The following RNF43 variants were observed in gnomAD, a reference collection of about 807,000 sequenced individuals.
The protein encoded by RNF43 is E3 ubiquitin-protein ligase RNF43.
A neutral mutation model predicts 78.4 loss-of-function variants in RNF43; 37 were observed. That is an observed-to-expected ratio of 0.47 (90% CI 0.36 to 0.62). The LOEUF is 0.62. Ranked by LOEUF, RNF43 falls within the 20% of genes least tolerant of loss-of-function variation. The probability of loss-of-function intolerance (pLI) is 0.00; values close to 1 mark genes in which losing one functional copy is unlikely to be tolerated. For synonymous variants in RNF43, 347 were observed against 395.0 expected, an observed-to-expected ratio of 0.88 and a Z score of 1.44; for missense variants, 774 against 1,007.9, an observed-to-expected ratio of 0.77 and a Z score of 3.14.
intron 2 of RNF43, among the ~76,000 whole-genome samples, chr17:58,383,386 C>T (rs1051088607): frequency 1.1e-4 from 17 of 152,026 alleles, no homozygotes; most frequent in Admixed American, 5.2e-4. Flanking sequence ...ACCTCCCAGG[C>T]CCAAACCTGG....
At chr17:58,368,963 G>A (rs1973016640) in intron 3 of RNF43, among the ~76,000 whole-genome samples, 1 of 151,974 alleles carries the variant, frequency 6.6e-6, no homozygotes, top group Non-Finnish European at 1.5e-5. Flanking sequence ...GGTGCAACAG[G>A]CAAAAGAGAA....
chr17:58,404,769 T>C (rs1031280818), intron 2 of RNF43, among the ~76,000 whole-genome samples: 3 of 152,210 alleles, frequency 2.0e-5, no homozygotes, highest in African/African-American at 2.4e-5. Context: ...TCTTCCCTTA[T>C]GGAATGCAGT....
Position 58,354,719 on chromosome 17 carries a change from G to T in RNF43, c.*224C>A. 1 of 571,878 alleles carries T rather than the reference G, an allele frequency of 1.7e-6. No individual in the cohort carries two copies. The highest frequency in any genetic ancestry group is 3.2e-6 in the Non-Finnish European group (1 of 315,000). The allele number at this position is 571,878 out of a possible 1,614,324, so 35.4% of individuals were successfully genotyped here. On this transcript the variant is annotated 3_prime_UTR_variant, in exon 10 of 10. Coordinates refer to ENST00000407977, the MANE Select transcript of RNF43 (RefSeq NM_017763.6). ...TGGTTGCCTGGCTGGACATGGATTT[G>T]CTGCACTGCAGATGTTTTCTGCAGA...
intron 2 of RNF43, among the ~76,000 whole-genome samples, chr17:58,382,962 G>C (rs774861301): frequency 1.2e-4 from 19 of 152,136 alleles, no homozygotes; most frequent in Admixed American, 3.3e-4. Flanking sequence ...TATTTTTTGA[G>C]AGAAGCCATT....
At chr17:58,405,572 G>C (rs1362040396) in intron 2 of RNF43, among the ~76,000 whole-genome samples, 1 of 151,898 alleles carries the variant, frequency 6.6e-6, no homozygotes, top group Non-Finnish European at 1.5e-5. Flanking sequence ...CCAGAGCTTT[G>C]GGAGGCAGAA....
chr17:58,392,387 T>C (rs1297732894), intron 2 of RNF43, among the ~76,000 whole-genome samples: 1 of 152,216 alleles, frequency 6.6e-6, no homozygotes, highest in Non-Finnish European at 1.5e-5. Flanking sequence ...AATGAACTTA[T>C]CATCAAATAA....
At position 58,360,701 on chromosome 17, in the gene RNF43, C is replaced by G; in HGVS notation, c.849+82G>C. The G allele has an allele frequency of 7.0e-7, 1 of 1,435,298 alleles. No individual in the cohort carries two copies. The highest frequency in any genetic ancestry group is 1.4e-5 in the African/African-American group (1 of 70,758). 88.9% of individuals were successfully genotyped at this position (1,435,298 alleles called of 1,614,324 possible). A position where few individuals can be genotyped will look rare whatever the true frequency, so the allele number is the denominator to read the frequency against. ...ACAGATGTAGCCAGGGTACCCATAC[C>G]AGCCCCTAGGCCTGCCCACCCCTCC... On this transcript the variant is annotated intron_variant, in intron 7 of 9. Coordinates refer to ENST00000407977, the MANE Select transcript of RNF43 (RefSeq NM_017763.6). This position sits in a 1 kb window ranked among gnomAD's most constrained non-coding sequence, Gnocchi z 4.3.
intron 2 of RNF43, among the ~76,000 whole-genome samples, chr17:58,383,034 TC>T (rs1973354430): frequency 6.6e-6 from 1 of 152,176 alleles, no homozygotes; most frequent in South Asian, 2.1e-4. Flanking sequence ...AAACTCTTGC[TC>T]CCCACTGGCT....
In RNF43 at chr17:58,357,716, C is replaced by G. The variant is rs778741880; in HGVS notation, c.2060G>C (p.Ser687Thr). The G allele has an allele frequency of 1.7e-5, 28 of 1,611,426 alleles. 1 individual carries two copies. In the South Asian group the frequency reaches 2.9e-4, roughly 16 times the overall value. ...CTCTGGGGACCAAGGATATGCCACA[C>G]TGGGGGTGTAATGGGGAAAAATCTG... is the stretch of plus-strand genomic sequence containing the variant. ...ACQIFPHYTP[S>T]VAYPWSPEAH... Residue 687 changes from serine (S) to threonine (T), a missense_variant, in exon 9 of 10, where the codon AGT becomes ACT. Physicochemically the swap from Ser to Thr is moderately conservative, Grantham distance 58. Coordinates refer to ENST00000407977, the MANE Select transcript of RNF43 (RefSeq NM_017763.6). This position sits in a 1 kb window ranked among gnomAD's most constrained non-coding sequence, Gnocchi z 4.5.
chr17:58,360,897 G>C lies in RNF43; in HGVS notation c.735C>G (p.Thr245=), dbSNP rs1214293640. The change falls in exon 7 of 10, where the codon ACC becomes ACG. Residue 245 remains threonine, a synonymous_variant. Coordinates refer to ENST00000407977, the MANE Select transcript of RNF43 (RefSeq NM_017763.6). This position sits in a 1 kb window ranked among gnomAD's most constrained non-coding sequence, Gnocchi z 4.3. ...RTAWAISQLA[T]RRYQASCRQA... is the part of the protein sequence containing the mutation. Reference sequence around the variant, plus strand: ...GCCTGCAGCTGGCCTGGTACCTCCTGGTGGCCAGCTGGCTGATGGCCCAGG... The same window carrying C: ...GCCTGCAGCTGGCCTGGTACCTCCTCGTGGCCAGCTGGCTGATGGCCCAGG... The C allele has an allele frequency of 6.2e-7, 1 of 1,608,056 alleles. No homozygotes were observed.
intron 2 of RNF43, among the ~76,000 whole-genome samples, chr17:58,407,349 G>A (rs1219388955): frequency 6.6e-6 from 1 of 151,890 alleles, no homozygotes; most frequent in East Asian, 1.9e-4. Flanking sequence ...CAAAGTGCTG[G>A]GATTACAGGC....
chr17:58,378,398 T>C (rs550796867), intron 2 of RNF43, among the ~76,000 whole-genome samples: 11 of 151,996 alleles, frequency 7.2e-5, no homozygotes, highest in African/African-American at 2.4e-4. Context: ...GCTGGGACTA[T>C]AGGTGTGCCT....
rs758947339 is a variant in RNF43 at position 58,358,719 on chromosome 17, G to A, written c.1057C>T (p.Leu353Phe). The A allele has an allele frequency of 6.4e-7, 1 of 1,554,490 alleles. No homozygotes were observed. The highest frequency in any genetic ancestry group is 1.9e-5 in the Admixed American group (1 of 51,928). The change falls in exon 9 of 10, where the codon CTC becomes TTC. Residue 353 changes from leucine to phenylalanine, a missense_variant. Physicochemically the swap from Leu to Phe is conservative, Grantham distance 22. Transcript: ENST00000407977. The surrounding 1 kb of genome is among the most constrained non-coding windows in gnomAD (Gnocchi z 6.2). ...RQHPGHAHYH[L>F]PAAYLLGPSR... ...GGGCCCAACAGGTAGGCAGCAGGGA[G>A]GTGGTAGTGGGCATGGCCGGGATGC...
intron 3 of RNF43, among the ~76,000 whole-genome samples, chr17:58,370,309 C>G (rs1021101327): frequency 1.3e-5 from 2 of 152,168 alleles, no homozygotes; most frequent in East Asian, 3.9e-4. Context: ...ACCTCGTGAT[C>G]CACCCACCTC....
chr17:58,371,746 G>A (rs895894210), intron 2 of RNF43, among the ~76,000 whole-genome samples: 3 of 152,232 alleles, frequency 2.0e-5, no homozygotes, highest in African/African-American at 7.2e-5. Flanking sequence ...CGTGGAGGTG[G>A]AGCCAGCCCA....
Position 58,368,722 on chromosome 17 carries a change from A to T in RNF43, c.375+2189T>A, listed in dbSNP as rs868476579. On this transcript the variant is annotated intron_variant, in intron 3 of 9. Transcript: ENST00000407977. Reference sequence around the variant, plus strand: ...AGCAAGACTCTGTCTCAAAAAAAAAAAAAAAGAAAAAAGAAAAACAGATGT... The same window carrying T: ...AGCAAGACTCTGTCTCAAAAAAAAATAAAAAGAAAAAAGAAAAACAGATGT... 3.4e-4 allele frequency among the ~76,000 whole-genome samples: 52 copies of T among 152,178 alleles called. 1 individual carries two copies. The Middle Eastern group carries it at 0.017, about 50-fold the overall frequency.
chr17:58,412,089 A>G (rs1974034270), intron 2 of RNF43, among the ~76,000 whole-genome samples: 1 of 152,252 alleles, frequency 6.6e-6, no homozygotes, highest in African/African-American at 2.4e-5. Context: ...ATACCAATCC[A>G]GAATAGCAGT....
intron 2 of RNF43, among the ~76,000 whole-genome samples, chr17:58,381,341 C>T (rs1051911124): frequency 2.6e-5 from 4 of 152,234 alleles, no homozygotes; most frequent in African/African-American, 4.8e-5. Context: ...TCCAGCCTGA[C>T]TGCTGACAGC....
rs2143472883 is a variant in RNF43, at chr17:58,363,517, C to T, written c.450+9G>A. 6.2e-7 allele frequency: 1 copy of T among 1,611,416 alleles called. No individual in the cohort carries two copies. Among genetic ancestry groups the T allele is most frequent in the African/African-American group, 1.3e-5 (1 of 74,978 alleles). On this transcript the variant is annotated intron_variant, in intron 4 of 9. Coordinates refer to ENST00000407977, the MANE Select transcript of RNF43 (RefSeq NM_017763.6). ...CCCCCACCTTGAACACGCAAATGTCCCTGGGTACCTGCTCAGCAGCAGCTC... is the reference window on the plus strand; with the variant it reads ...CCCCCACCTTGAACACGCAAATGTCTCTGGGTACCTGCTCAGCAGCAGCTC...
Sources: allele counts gnomAD v4.1 joint callset (sites outside exome capture counted in the v4.1 genomes callset), GRCh38; gene constraint gnomAD v4.1.1; non-coding constraint Gnocchi (gnomAD v3.1); transcripts MANE v1.5; gene names NCBI Gene and HGNC (gene_info 2026-07-23, HGNC 2026-07-21).